COG7: variants seen among roughly 807,000 people sequenced by gnomAD.
COG7 encodes the protein component of oligomeric golgi complex 7, also known as conserved oligomeric Golgi complex subunit 7.
COG7 carries 49 observed loss-of-function variants against 91.5 expected under a neutral mutation model. The observed-to-expected ratio is 0.54, with a 90% CI of 0.43 to 0.68. COG7 has a LOEUF of 0.68. Ranked by LOEUF, COG7 falls within the 30% of genes least tolerant of loss-of-function variation. The pLI, the probability that COG7 is intolerant of heterozygous loss-of-function variation, is 0.00. For synonymous variants in COG7, 365 were observed against 388.7 expected (o/e 0.94, Z 0.72); for missense variants, 895 against 961.3 (o/e 0.93, Z 0.91).
At position 23,452,952 on chromosome 16, in the gene COG7, C is replaced by T. The variant is rs747114448; in HGVS notation, c.43G>A (p.Glu15Lys). Residue 15 changes from glutamate (E) to lysine (K), a missense_variant, in exon 1 of 17, where the codon GAG (glutamate) becomes AAG (lysine). Transcript: ENST00000307149. ...GCCCTGAAGGCCGCATTGATCCACT[C>T]CTTCACGTCGAAGTCGTCTGCCAGG... is the stretch of plus-strand genomic sequence containing the variant. ...KFLADDFDVK[E>K]WINAAFRAGS... The T allele has an allele frequency of 4.3e-6, 7 of 1,613,990 alleles. No homozygotes were observed. The highest frequency in any genetic ancestry group is 1.3e-5 in the African/African-American group (1 of 74,950).
At chr16:23,422,440 A>G (rs2142079522) in intron 7 of COG7, among the ~76,000 whole-genome samples, 1 of 149,790 alleles carries the variant, frequency 6.7e-6, no homozygotes, top group Admixed American at 6.7e-5. Context: ...TCTACAACCA[A>G]TATTTTAAGA....
chr16:23,402,953 T>C (rs1462210362), intron 13 of COG7, among the ~76,000 whole-genome samples: 4 of 152,220 alleles, frequency 2.6e-5, no homozygotes, highest in Non-Finnish European at 5.9e-5. Context: ...AGATGAGTTC[T>C]TGTCATTTTG....
intron 7 of COG7, among the ~76,000 whole-genome samples, chr16:23,422,623 G>T (rs933999006): frequency 2.6e-5 from 4 of 151,810 alleles, no homozygotes; most frequent in African/African-American, 9.7e-5. Context: ...AAATAATGTT[G>T]TTGGTGGCTC....
chr16:23,432,130 G>C (rs1441387216), intron 6 of COG7, among the ~76,000 whole-genome samples: 2 of 152,126 alleles, frequency 1.3e-5, no homozygotes, highest in African/African-American at 2.4e-5. Context: ...CTGCATGACA[G>C]AGCAAGACTC....
intron 14 of COG7, among the ~76,000 whole-genome samples, chr16:23,395,877 T>C (rs552741899): frequency 2.0e-4 from 30 of 152,370 alleles, no homozygotes; most frequent in Non-Finnish European, 4.0e-4. Flanking sequence ...GCTCTATCAC[T>C]GTGAGAACCT....
At position 23,445,967 on chromosome 16, in the gene COG7, G is replaced by GT. The variant is rs1334014601; in HGVS notation, c.170-7dup. 4 of 1,270,304 alleles carry GT rather than the reference G, an allele frequency of 3.1e-6. No homozygotes were observed. In the African/African-American group the frequency reaches 6.7e-5, roughly 21 times the overall value. The allele number at this position is 1,270,304 out of a possible 1,614,324, so 78.7% of individuals were successfully genotyped here. ...GAGAGCTTGGTGACTTGTTTCTGTA[G>GT]TTAAAAAAAAAAAAAAAAACAACAA... On this transcript the variant is annotated splice_polypyrimidine_tract_variant and splice_region_variant and intron_variant, in intron 1 of 16. Transcript: ENST00000307149.
At chr16:23,394,518 T>C (rs1963253326) in intron 14 of COG7, among the ~76,000 whole-genome samples, 1 of 152,212 alleles carries the variant, frequency 6.6e-6, no homozygotes, top group South Asian at 2.1e-4. Flanking sequence ...TTGTTTTTTT[T>C]TTCTTCCTGC....
At chr16:23,445,739 G>T in intron 2 of COG7, 74 bp downstream of exon 2, 1 of 1,459,738 alleles carries the variant, frequency 6.9e-7, no homozygotes, top group African/African-American at 1.4e-5. Context: ...CTGTTCTAAA[G>T]CCCTTACGAG....
At chr16:23,443,559 C>T (rs528554746) in intron 3 of COG7, among the ~76,000 whole-genome samples, 2 of 151,250 alleles carry the variant, frequency 1.3e-5, no homozygotes, top group East Asian at 2.0e-4. Context: ...GGCATGGTGG[C>T]GTCCACCTGT....
intron 16 of COG7, among the ~76,000 whole-genome samples, chr16:23,389,428 T>C (rs1026471460): frequency 6.6e-6 from 1 of 150,456 alleles, no homozygotes; most frequent in Non-Finnish European, 1.5e-5. Context: ...CACTCACATG[T>C]ACACACACTC....
At chr16:23,443,746 A>C (rs999110854) in intron 3 of COG7, among the ~76,000 whole-genome samples, 3 of 152,180 alleles carry the variant, frequency 2.0e-5, no homozygotes, top group African/African-American at 7.2e-5. Context: ...AGTGAAAAGC[A>C]GTGTTCACAA....
At chr16:23,389,392 T>C (rs1411814119) in intron 16 of COG7, among the ~76,000 whole-genome samples, 1 of 150,116 alleles carries the variant, frequency 6.7e-6, no homozygotes, top group Non-Finnish European at 1.5e-5. Flanking sequence ...CACTCTCACA[T>C]CCAAACTCAC....
intron 7 of COG7, among the ~76,000 whole-genome samples, chr16:23,423,811 T>C (rs914211390): frequency 6.6e-6 from 1 of 152,258 alleles, no homozygotes; most frequent in Non-Finnish European, 1.5e-5. Context: ...GTCTGTGTTC[T>C]TTAAAAATTT....
intron 4 of COG7, among the ~76,000 whole-genome samples, chr16:23,439,890 C>T (rs981105310): frequency 1.3e-5 from 2 of 151,844 alleles, no homozygotes; most frequent in Non-Finnish European, 2.9e-5. Context: ...AAATTTTTTT[C>T]TAAAAAAGAA....
chr16:23,432,751 G>A (rs1449916658), intron 6 of COG7, among the ~76,000 whole-genome samples: 2 of 152,110 alleles, frequency 1.3e-5, no homozygotes, highest in African/African-American at 4.8e-5. Context: ...CTCACTCCTA[G>A]TCAGGGGGTA....
At position 23,417,311 on chromosome 16, in the gene COG7, A is replaced by G. The variant is rs77014119; in HGVS notation, c.1138-190T>C. 4.2e-3 allele frequency: 2,651 copies of G among 632,348 alleles called. 7 individuals carry two copies. The highest frequency in any genetic ancestry group is 6.0e-3 in the Non-Finnish European group (2,129 of 355,010). The allele number at this position is 632,348 out of a possible 1,614,324, so 39.2% of individuals were successfully genotyped here. A position where few individuals can be genotyped will look rare whatever the true frequency, so the allele number is the denominator to read the frequency against. On this transcript the variant is annotated intron_variant, in intron 8 of 16. Coordinates refer to ENST00000307149, the MANE Select transcript of COG7 (RefSeq NM_153603.4). ...AACAGTCTAAGTCATCAGTGGGATC[A>G]TGGAAATTCACTCCTGGCAGAAAAG... is the stretch of plus-strand genomic sequence containing the variant.
chr16:23,412,790 A>G (rs775822629), intron 10 of COG7: 1 of 152,520 alleles, frequency 6.6e-6, no homozygotes, highest in African/African-American at 2.4e-5. Context: ...GGTTCAAGCA[A>G]TTCCCCTGCC....
At chr16:23,418,679 C>G in intron 8 of COG7, 21 bp downstream of exon 8, 1 of 1,612,384 alleles carries the variant, frequency 6.2e-7, no homozygotes, top group Non-Finnish European at 8.5e-7. Context: ...CCTCAGTGGC[C>G]CCAGGACACT....
chr16:23,427,625 T>C lies in COG7; in HGVS notation c.811-2678A>G, dbSNP rs539403989. ...GAATTGGAATTCATTGTTTTGCCAC[T>C]GACCTCCCCAGACCTGCTTCCTCCA... On this transcript the variant is annotated intron_variant, in intron 6 of 16. Coordinates refer to ENST00000307149, the MANE Select transcript of COG7 (RefSeq NM_153603.4). Among the ~76,000 whole-genome samples, 102 of 152,318 alleles carry C rather than the reference T, an allele frequency of 6.7e-4. 1 individual carries two copies. The highest frequency in any genetic ancestry group is 3.4e-3 in the Middle Eastern group (1 of 294).
Sources: allele counts gnomAD v4.1 joint callset (sites outside exome capture counted in the v4.1 genomes callset), GRCh38; gene constraint gnomAD v4.1.1; transcripts MANE v1.5; gene names NCBI Gene and HGNC (gene_info 2026-07-23, HGNC 2026-07-21).